Variants in MYT1 observed in about 807,000 individuals in gnomAD.
The protein encoded by MYT1 is myelin transcription factor 1.
In MYT1, 23 loss-of-function variants were observed where a neutral mutation model predicts 123.0. The ratio of observed to expected loss-of-function variants is 0.19; its 90% CI spans 0.13 to 0.26. MYT1 has a LOEUF of 0.26. MYT1 is among the 10% of genes least tolerant of loss of function. The pLI, the probability that MYT1 is intolerant of heterozygous loss-of-function variation, is 1.00. For synonymous variants in MYT1, 518 were observed against 575.3 expected, an observed-to-expected ratio of 0.90 and a Z score of 1.43; for missense variants, 1,125 against 1,472.5, an observed-to-expected ratio of 0.76 and a Z score of 3.86.
chr20:64,233,707 G>A (rs980050583), intron 19 of MYT1, among the ~76,000 whole-genome samples: 15 of 151,804 alleles, frequency 9.9e-5, no homozygotes, highest in Admixed American at 5.9e-4. Flanking sequence ...ATGGTGGTGC[G>A]TGTGCTGGGC....
intron 1 of MYT1, among the ~76,000 whole-genome samples, chr20:64,177,843 A>G (rs1272041143): frequency 2.0e-5 from 3 of 152,104 alleles, no homozygotes; most frequent in Non-Finnish European, 4.4e-5. Flanking sequence ...CTTCATGGAA[A>G]TTTCCAAGCT....
intron 7 of MYT1, among the ~76,000 whole-genome samples, chr20:64,210,480 C>T (rs1461601288): frequency 2.6e-5 from 4 of 152,244 alleles, no homozygotes; most frequent in South Asian, 4.1e-4. Flanking sequence ...GGAAGTCTGA[C>T]TCCTTTGAAC....
rs4309628 is a variant in MYT1, at chr20:64,189,361, C to T, written c.-98-702C>T. Among the ~76,000 whole-genome samples, 3,335 of 152,242 alleles carry T rather than the reference C, an allele frequency of 0.022. 74 individuals are homozygous for T. Among genetic ancestry groups the T allele is most frequent in the South Asian group, 0.079 (381 of 4,820 alleles). ...ACGTGCAGGGAATAGGTACACAATG[C>T]GTTTCTTTGTCATGTCCAGCTGATG... On this transcript the variant is annotated intron_variant, in intron 1 of 22. Transcript: ENST00000328439. The surrounding 1 kb of genome is among the most constrained non-coding windows in gnomAD (Gnocchi z 5.5).
At chr20:64,165,391 T>C (rs1982051262) in intron 1 of MYT1, among the ~76,000 whole-genome samples, 1 of 152,180 alleles carries the variant, frequency 6.6e-6, no homozygotes, top group Non-Finnish European at 1.5e-5. Context: ...TGTGGTTGTT[T>C]ATGGTGGTAG....
intron 10 of MYT1, among the ~76,000 whole-genome samples, chr20:64,214,216 G>C (rs895084660): frequency 2.6e-5 from 4 of 152,282 alleles, no homozygotes; most frequent in South Asian, 2.1e-4. Context: ...TGAACATGTG[G>C]GAGCGTGTGT....
At chr20:64,178,878 G>T (rs1233734227) in intron 1 of MYT1, among the ~76,000 whole-genome samples, 1 of 127,268 alleles carries the variant, frequency 7.9e-6, no homozygotes, top group African/African-American at 3.2e-5. Context: ...CAACGTGGGA[G>T]CACTAAGCCG....
chr20:64,227,955 G>A lies in MYT1; in HGVS notation c.2659G>A (p.Asp887Asn), dbSNP rs367893050. ...GGCACCCACCAAGGACGACAAGGAG[G>A]ACCCCGAGCTGATGAAGTACGTTGG... ...KVAPTKDDKE[D>N]PELMKCPVPG... Residue 887 changes from aspartate (D) to asparagine (N), a missense_variant, in exon 18 of 23, where the codon GAC (aspartate) becomes AAC (asparagine). This residue lies in a region of MYT1 where 243 missense variants were observed against 323.1 expected (regional missense o/e 0.75). Transcript: ENST00000328439. 8.1e-6 allele frequency: 13 copies of A among 1,613,956 alleles called. No individual in the cohort carries two copies. Among genetic ancestry groups the A allele is most frequent in the Non-Finnish European group, 1.1e-5 (13 of 1,179,982 alleles).
intron 16 of MYT1, among the ~76,000 whole-genome samples, chr20:64,225,536 G>C (rs1984146819): frequency 6.6e-6 from 1 of 152,240 alleles, no homozygotes; most frequent in South Asian, 2.1e-4. Flanking sequence ...GGGCATGACA[G>C]GCTTTGTGCA....
intron 21 of MYT1, among the ~76,000 whole-genome samples, chr20:64,238,739 C>T (rs994633567): frequency 6.6e-6 from 1 of 152,214 alleles, no homozygotes; most frequent in Non-Finnish European, 1.5e-5. Flanking sequence ...CCAGGGCCTT[C>T]ATCAGTGTCA....
rs746495470 is a variant in MYT1, at chr20:64,208,021, AGAAGAGGAAGAG to A, written c.834_845del (p.Glu303_Glu306del). The A allele has an allele frequency of 3.8e-6, 6 of 1,588,954 alleles. No homozygotes were observed. The highest frequency in any genetic ancestry group is 4.5e-5 in the East Asian group (2 of 44,344). ...AGGAAGAGGAGGAGGAGGAGGATGAAGAAGAGGAAGAGGAAGAGGAGGAGGAAGAGGAAGAGG... is the reference window on the plus strand; with the variant it reads ...AGGAAGAGGAGGAGGAGGAGGATGAAGAAGAGGAGGAGGAAGAGGAAGAGG... On this transcript the variant is annotated inframe_deletion, in exon 7 of 23. Transcript: ENST00000328439. This position sits in a 1 kb window ranked among gnomAD's most constrained non-coding sequence, Gnocchi z 5.4.
At position 64,237,356 on chromosome 20, in the gene MYT1, A is replaced by G. The variant is rs1263333265; in HGVS notation, c.3059A>G (p.Glu1020Gly). Residue 1020 changes from glutamate (E) to glycine (G), a missense_variant, in exon 21 of 23, where the codon GAG (glutamate) becomes GGG (glycine). Glu to Gly is a moderately conservative substitution (Grantham distance 98). Around this residue, in one of 4 missense-constraint regions of MYT1, gnomAD observed 243 missense variants for 323.1 expected, o/e 0.75. Coordinates refer to ENST00000328439, the MANE Select transcript of MYT1 (RefSeq NM_004535.3). ...CGAGACCTGAACGAGTCCAACTCGGAGATGGAGGCTGCCATGGTGCAGCTG... is the reference window on the plus strand; with the variant it reads ...CGAGACCTGAACGAGTCCAACTCGGGGATGGAGGCTGCCATGGTGCAGCTG... ...EIRDLNESNSEMEAAMVQLQS... is the reference protein window; with the variant it reads ...EIRDLNESNSGMEAAMVQLQS... The G allele has an allele frequency of 1.9e-6, 3 of 1,609,034 alleles. No homozygotes were observed. In the South Asian group the frequency reaches 3.3e-5, roughly 18 times the overall value.
chr20:64,212,275 G>T lies in MYT1; in HGVS notation c.1517+137G>T, dbSNP rs1351639492. The T allele has an allele frequency of 3.2e-5, 26 of 822,038 alleles. 1 individual carries two copies. The Middle Eastern group carries it at 1.1e-3, about 34-fold the overall frequency. 50.9% of individuals were successfully genotyped at this position (822,038 alleles called of 1,614,324 possible). On this transcript the variant is annotated intron_variant, in intron 9 of 22. Transcript: ENST00000328439. The surrounding 1 kb of genome is among the most constrained non-coding windows in gnomAD (Gnocchi z 6.8). ...GGGGCCGTGGTGGGGGGCTCCACGT[G>T]GGGTAGGGCACCTGGGTTGGGCCTG... is the stretch of plus-strand genomic sequence containing the variant.
intron 1 of MYT1, among the ~76,000 whole-genome samples, chr20:64,188,561 T>C (rs1215462255): frequency 6.6e-6 from 1 of 152,134 alleles, no homozygotes; most frequent in Non-Finnish European, 1.5e-5. Context: ...ATCTTCAAAG[T>C]GTGAAGCACA....
rs986168253 is a variant in MYT1, at chr20:64,191,455, T to C, written c.-1+1295T>C. The C allele has an allele frequency of 2.0e-5, 3 of 152,244 alleles. No individual in the cohort carries two copies. The highest frequency in any genetic ancestry group is 7.2e-5 in the African/African-American group (3 of 41,446). The allele number at this position is 152,244 out of a possible 1,614,324, so 9.4% of individuals were successfully genotyped here. ...CTGAAGCCCTTCCCAGAGATCCGAT[T>C]CTGACCTCTCTTTTTTCTTTTTTGC... On this transcript the variant is annotated intron_variant, in intron 2 of 22. Transcript: ENST00000328439. This position sits in a 1 kb window ranked among gnomAD's most constrained non-coding sequence, Gnocchi z 4.1.
chr20:64,171,437 T>C (rs1982275942), intron 1 of MYT1, among the ~76,000 whole-genome samples: 1 of 152,210 alleles, frequency 6.6e-6, no homozygotes, highest in African/African-American at 2.4e-5. Context: ...CCTGCACCTC[T>C]TCCCTGTGGA....
intron 10 of MYT1, among the ~76,000 whole-genome samples, chr20:64,216,778 T>C (rs1382880350): frequency 6.6e-6 from 1 of 152,236 alleles, no homozygotes; most frequent in Admixed American, 6.5e-5. Flanking sequence ...TCTTAGGCCC[T>C]CCTCTATCTG....
intron 2 of MYT1, among the ~76,000 whole-genome samples, chr20:64,197,317 C>T (rs1983153626): frequency 6.6e-6 from 1 of 152,258 alleles, no homozygotes; most frequent in Non-Finnish European, 1.5e-5. Context: ...GGGGGAATTC[C>T]TTTTTCTTTC....
chr20:64,171,896 C>G (rs1810850756), intron 1 of MYT1, among the ~76,000 whole-genome samples: 1 of 152,046 alleles, frequency 6.6e-6, no homozygotes, highest in African/African-American at 2.4e-5. Flanking sequence ...CCCCCTACAC[C>G]TCTGGCATCT....
chr20:64,233,878 A>G (rs6090081), intron 19 of MYT1, among the ~76,000 whole-genome samples: 21,499 of 152,110 alleles, frequency 0.14, 1,858 homozygotes, highest in African/African-American at 0.24. Context: ...GGAGCCAGGG[A>G]GAGGGAGCAA....
Sources: gnomAD v4.1 joint callset for allele counts (sites outside exome capture counted in the v4.1 genomes callset) on GRCh38, gnomAD v4.1.1 for gene constraint, gnomAD v4.1.1 regional missense constraint, Gnocchi (gnomAD v3.1) non-coding constraint, MANE v1.5 for transcripts, NCBI Gene and HGNC (gene_info 2026-07-23, HGNC 2026-07-21) for gene names.